DPP6: variants seen among roughly 807,000 people sequenced by gnomAD.
DPP6 encodes the protein dipeptidyl peptidase like 6.
In DPP6, 69 loss-of-function variants were observed where a neutral mutation model predicts 122.6. That is an observed-to-expected ratio of 0.56 (90% CI 0.46 to 0.69). The LOEUF is 0.69. Among genes scored for constraint, DPP6 ranks in the 30% least tolerant of loss-of-function variants. The pLI, the probability that DPP6 is intolerant of heterozygous loss-of-function variation, is 0.00. For synonymous variants in DPP6, 418 were observed against 433.1 expected (o/e 0.97, Z 0.43); for missense variants, 928 against 1,116.9 (o/e 0.83, Z 2.41).
intron 7 of DPP6, among the ~76,000 whole-genome samples, chr7:154,711,943 C>CACACACACACACACACA (rs1554443033): frequency 6.4e-4 from 31 of 48,758 alleles, no homozygotes; most frequent in African/African-American, 1.2e-3. Flanking sequence ...ACTTAATACA[C>CACACACACACACACACA]ACACACACAC....
chr7:154,132,987 C>G (rs1795365439), intron 1 of DPP6, among the ~76,000 whole-genome samples: 1 of 151,966 alleles, frequency 6.6e-6, no homozygotes, highest in Admixed American at 6.5e-5. Context: ...AATGACCACT[C>G]CTTCCTTTGT....
chr7:154,056,895 T>C (rs1428197848), intron 1 of DPP6, among the ~76,000 whole-genome samples: 1 of 152,246 alleles, frequency 6.6e-6, no homozygotes. Context: ...TAATTTAAAA[T>C]TTTTTAAGTT....
In DPP6 at chr7:154,392,510, G is replaced by C. The variant is rs181904760; in HGVS notation, c.244-53704G>C. On this transcript the variant is annotated intron_variant, in intron 1 of 25. Transcript: ENST00000377770. ...TCCAGCTCTGAGACCGGTGTTCAGT[G>C]AGAGGTGGTTGTGGGCTTTGAGTCT... Among the ~76,000 whole-genome samples the C allele has an allele frequency of 5.3e-5, 8 of 152,304 alleles. No individual in the cohort carries two copies. The East Asian group carries it at 1.5e-3, about 29-fold the overall frequency.
At chr7:154,777,050 G>A (rs555973534) in intron 10 of DPP6, among the ~76,000 whole-genome samples, 3 of 152,174 alleles carry the variant, frequency 2.0e-5, no homozygotes, top group South Asian at 2.1e-4. Context: ...TGACTTCTCC[G>A]ATGGTTCTCA....
chr7:153,972,520 C>CT (rs1187889735), intron 1 of DPP6, among the ~76,000 whole-genome samples: 1 of 151,348 alleles, frequency 6.6e-6, no homozygotes, highest in African/African-American at 2.4e-5. Flanking sequence ...TATTTACAGA[C>CT]TGAAGCAATT....
At chr7:154,605,132 C>G (rs1426945170) in intron 5 of DPP6, among the ~76,000 whole-genome samples, 1 of 118,554 alleles carries the variant, frequency 8.4e-6, no homozygotes, top group African/African-American at 2.7e-5. Context: ...TTTTTCTTTG[C>G]ATATAGAGGT....
At chr7:153,859,404 A>G in the DPP6 span, among the ~76,000 whole-genome samples, 988 of 152,358 alleles carry the variant, frequency 6.5e-3, 10 homozygotes, top group African/African-American at 0.022. Flanking sequence ...TCACATGCCA[A>G]TGACGGTGGT....
intron 1 of DPP6, among the ~76,000 whole-genome samples, chr7:154,019,866 T>A (rs1160019736): frequency 1.3e-5 from 2 of 152,168 alleles, no homozygotes; most frequent in East Asian, 3.9e-4. Flanking sequence ...TTAAGTGCAG[T>A]TTTTCCATGG....
At chr7:154,375,527 T>C (rs773597374) in intron 1 of DPP6, among the ~76,000 whole-genome samples, 4 of 152,112 alleles carry the variant, frequency 2.6e-5, no homozygotes, top group Non-Finnish European at 4.4e-5. Flanking sequence ...TAGGGTGAGA[T>C]GAGGTCATGA....
At chr7:153,964,040 A>C (rs1426529257) in intron 1 of DPP6, among the ~76,000 whole-genome samples, 1 of 152,024 alleles carries the variant, frequency 6.6e-6, no homozygotes, top group Non-Finnish European at 1.5e-5. Context: ...CTGTTGCCCA[A>C]CCTGGATTGC....
At chr7:154,513,588 C>T (rs1429693889) in intron 3 of DPP6, among the ~76,000 whole-genome samples, 2 of 152,158 alleles carry the variant, frequency 1.3e-5, no homozygotes, top group Non-Finnish European at 2.9e-5. Flanking sequence ...AAGGACTCAG[C>T]TCTGCCTTTT....
At chr7:153,845,645 G>C in the DPP6 span, among the ~76,000 whole-genome samples, 1 of 151,850 alleles carries the variant, frequency 6.6e-6, no homozygotes, top group Admixed American at 6.6e-5. Flanking sequence ...TGTCATACTA[G>C]GCTAAGTGTT....
chr7:153,759,329 T>G, the DPP6 span, among the ~76,000 whole-genome samples: 1 of 151,940 alleles, frequency 6.6e-6, no homozygotes, highest in Non-Finnish European at 1.5e-5. Flanking sequence ...AAATCTTTTT[T>G]TTTTTTTGAG....
intron 12 of DPP6, among the ~76,000 whole-genome samples, chr7:154,797,906 T>C (rs887791110): frequency 2.0e-5 from 3 of 152,234 alleles, no homozygotes; most frequent in African/African-American, 7.2e-5. Context: ...TTGTGCAGGC[T>C]ACGAGGGTGA....
intron 1 of DPP6, among the ~76,000 whole-genome samples, chr7:154,012,071 C>T (rs911478768): frequency 1.1e-4 from 17 of 152,268 alleles, no homozygotes; most frequent in African/African-American, 4.1e-4. Context: ...ATCTCCATTT[C>T]ACAAATGGTA....
intron 1 of DPP6, among the ~76,000 whole-genome samples, chr7:154,417,558 C>T (rs1177728288): frequency 6.6e-6 from 1 of 152,170 alleles, no homozygotes; most frequent in Non-Finnish European, 1.5e-5. Flanking sequence ...CCCTCCCCAC[C>T]TCCCACCCCG....
intron 4 of DPP6, among the ~76,000 whole-genome samples, chr7:154,563,400 G>A (rs541876073): frequency 1.3e-5 from 2 of 152,330 alleles, no homozygotes; most frequent in South Asian, 4.1e-4. Context: ...GGTGAGATGG[G>A]AAGCTGTGGG....
chr7:154,150,688 C>G (rs1796366361), intron 1 of DPP6, among the ~76,000 whole-genome samples: 1 of 152,240 alleles, frequency 6.6e-6, no homozygotes, highest in African/African-American at 2.4e-5. Context: ...ATTCCCAGGC[C>G]TGAGAGCGGC....
intron 1 of DPP6, among the ~76,000 whole-genome samples, chr7:153,970,679 G>T (rs1795977112): frequency 1.3e-5 from 2 of 152,184 alleles, no homozygotes; most frequent in Admixed American, 6.5e-5. Flanking sequence ...ATGGTATAAA[G>T]TAAAGATCAA....
Sources: gnomAD v4.1 joint callset for allele counts (sites outside exome capture counted in the v4.1 genomes callset) on GRCh38, gnomAD v4.1.1 for gene constraint, MANE v1.5 for transcripts, NCBI Gene and HGNC (gene_info 2026-07-23, HGNC 2026-07-21) for gene names.